FAT3: variants seen among roughly 807,000 people sequenced by gnomAD.
FAT3 encodes FAT atypical cadherin 3, also known as protocadherin Fat 3.
In FAT3, 95 loss-of-function variants were observed where a neutral mutation model predicts 310.2. The ratio of observed to expected loss-of-function variants is 0.31; its 90% CI spans 0.26 to 0.36. The LOEUF is 0.36. Among genes scored for constraint, FAT3 ranks in the 10% least tolerant of loss-of-function variants. The pLI, the probability that FAT3 is intolerant of heterozygous loss-of-function variation, is 1.00. For synonymous variants in FAT3, 2,314 were observed against 2,192.9 expected (o/e 1.06, Z -1.54); for missense variants, 5,408 against 5,715.6 (o/e 0.95, Z 1.74).
chr11:92,736,635 CT>C (rs1945357997), intron 4 of FAT3, among the ~76,000 whole-genome samples: 1 of 152,148 alleles, frequency 6.6e-6, no homozygotes, highest in Non-Finnish European at 1.5e-5. Flanking sequence ...TAGCATTGTC[CT>C]TTCAATTTCT....
intron 3 of FAT3, among the ~76,000 whole-genome samples, chr11:92,526,973 G>C (rs1953888509): frequency 6.6e-6 from 1 of 152,136 alleles, no homozygotes; most frequent in Admixed American, 6.5e-5. Context: ...AATAAAGAGG[G>C]TTATAAACTT....
At chr11:92,399,157 A>T (rs1300410749) in intron 2 of FAT3, among the ~76,000 whole-genome samples, 1 of 152,224 alleles carries the variant, frequency 6.6e-6, no homozygotes, top group African/African-American at 2.4e-5. Flanking sequence ...ACATATTAAG[A>T]TGTAAATAGT....
chr11:92,709,455 A>G (rs1944456052), intron 4 of FAT3, among the ~76,000 whole-genome samples: 1 of 152,132 alleles, frequency 6.6e-6, no homozygotes, highest in African/African-American at 2.4e-5. Flanking sequence ...CTTCATTAGC[A>G]AGCTGCAAGA....
At chr11:92,282,658 A>T (rs1591050040) in intron 1 of FAT3, among the ~76,000 whole-genome samples, 1 of 19,226 alleles carries the variant, frequency 5.2e-5, no homozygotes, top group East Asian at 6.5e-4. Context: ...CTCAAAAAAT[A>T]AAAAAAAAAA....
chr11:92,425,442 G>A (rs1216159274), intron 2 of FAT3, among the ~76,000 whole-genome samples: 2 of 151,922 alleles, frequency 1.3e-5, no homozygotes, highest in Non-Finnish European at 2.9e-5. Flanking sequence ...GAACGTGCAG[G>A]TTTGTTACAT....
intron 1 of FAT3, among the ~76,000 whole-genome samples, chr11:92,251,371 T>C (rs1250992612): frequency 6.6e-6 from 1 of 152,146 alleles, no homozygotes; most frequent in African/African-American, 2.4e-5. Flanking sequence ...TTATATATAG[T>C]GCATCCAATT....
intron 3 of FAT3, among the ~76,000 whole-genome samples, chr11:92,541,308 A>G (rs1954440777): frequency 6.6e-6 from 1 of 152,204 alleles, no homozygotes; most frequent in South Asian, 2.1e-4. Context: ...GCTTTGAATA[A>G]TATGCATCAC....
At chr11:92,319,108 T>C (rs1287571047) in intron 1 of FAT3, among the ~76,000 whole-genome samples, 1 of 152,106 alleles carries the variant, frequency 6.6e-6, no homozygotes, top group Non-Finnish European at 1.5e-5. Context: ...AAAGCCCAGG[T>C]GATTATTGGA....
chr11:92,270,635 G>A (rs1321155149), intron 1 of FAT3, among the ~76,000 whole-genome samples: 3 of 152,156 alleles, frequency 2.0e-5, no homozygotes, highest in East Asian at 1.9e-4. Context: ...GCAGTGAGCC[G>A]AGATCGTGCC....
At chr11:92,419,137 A>G (rs1950484872) in intron 2 of FAT3, among the ~76,000 whole-genome samples, 3 of 152,114 alleles carry the variant, frequency 2.0e-5, no homozygotes, top group African/African-American at 4.8e-5. Flanking sequence ...TTCATATGCC[A>G]TTCTCATTTA....
At chr11:92,614,082 CT>C (rs1940692698) in intron 3 of FAT3, among the ~76,000 whole-genome samples, 1 of 151,948 alleles carries the variant, frequency 6.6e-6, no homozygotes, top group Non-Finnish European at 1.5e-5. Context: ...GTATTTCATT[CT>C]TTCATATTGT....
rs762097164 is a variant in FAT3, at chr11:92,352,313, A to G, written c.201A>G (p.Arg67=). Reference sequence around the variant, plus strand: ...GGACCTACGTCAACAGCCAGAGTAGAATGGGCATCACCTTAATAGATCTAT... The same window carrying G: ...GGACCTACGTCAACAGCCAGAGTAGGATGGGCATCACCTTAATAGATCTAT... ...AARTYVNSQS[R]MGITLIDLSW... Residue 67 remains arginine (R), a synonymous_variant, in exon 2 of 28, where the codon AGA becomes AGG. Coordinates refer to ENST00000525166, the MANE Select transcript of FAT3 (RefSeq NM_001367949.2). 1.3e-6 allele frequency: 2 copies of G among 1,536,292 alleles called. No homozygotes were observed. Among genetic ancestry groups the G allele is most frequent in the Non-Finnish European group, 1.8e-6 (2 of 1,131,468 alleles).
chr11:92,373,407 C>T (rs1041032919), intron 2 of FAT3, among the ~76,000 whole-genome samples: 3 of 152,122 alleles, frequency 2.0e-5, no homozygotes, highest in Non-Finnish European at 4.4e-5. Flanking sequence ...AACTCAGCCT[C>T]GTCAAAATCC....
chr11:92,665,255 C>A (rs1015199355), intron 3 of FAT3, among the ~76,000 whole-genome samples: 2 of 152,174 alleles, frequency 1.3e-5, no homozygotes, highest in Admixed American at 6.5e-5. Flanking sequence ...GACCTCAGTT[C>A]GTCTCTGCTG....
At chr11:92,703,728 A>G (rs1000279606) in intron 4 of FAT3, among the ~76,000 whole-genome samples, 1 of 152,248 alleles carries the variant, frequency 6.6e-6, no homozygotes, top group Non-Finnish European at 1.5e-5. Context: ...GCTTTATCGA[A>G]TGACTGTTCA....
At chr11:92,859,105 T>C (rs1949056448) in intron 20 of FAT3, 60 bp from the exon 21 acceptor site, 1 of 1,504,084 alleles carries the variant, frequency 6.6e-7, no homozygotes, top group African/African-American at 1.4e-5. Context: ...TGATTTCATG[T>C]GTCTCTGTTC....
intron 1 of FAT3, among the ~76,000 whole-genome samples, chr11:92,273,304 C>T (rs76507154): frequency 0.015 from 2,269 of 152,216 alleles, 59 homozygotes; most frequent in African/African-American, 0.052. Context: ...ACTTCTTTAA[C>T]ATCCTTGTAG....
chr11:92,738,411 T>C (rs1343427607), intron 4 of FAT3, among the ~76,000 whole-genome samples: 3 of 152,210 alleles, frequency 2.0e-5, no homozygotes, highest in Non-Finnish European at 2.9e-5. Context: ...ACAGCCTACA[T>C]ACAGAGCTTT....
chr11:92,688,663 C>T (rs997408114), intron 3 of FAT3, among the ~76,000 whole-genome samples: 7 of 152,114 alleles, frequency 4.6e-5, no homozygotes, highest in Non-Finnish European at 8.8e-5. Context: ...GGTCTAGAGC[C>T]AGTCATCTTA....
Sources: allele counts gnomAD v4.1 joint callset (sites outside exome capture counted in the v4.1 genomes callset), GRCh38; gene constraint gnomAD v4.1.1; transcripts MANE v1.5; gene names NCBI Gene and HGNC (gene_info 2026-07-23, HGNC 2026-07-21).